The following SLC7A14 variants were observed in gnomAD, a reference collection of about 807,000 sequenced individuals.
SLC7A14 encodes gamma-aminobutyric acid transporter SLC7A14.
Under a neutral mutation model 60.2 loss-of-function variants are expected in SLC7A14, and 37 were observed. The observed-to-expected ratio is 0.61, with a 90% CI of 0.47 to 0.81. The LOEUF (loss-of-function observed/expected upper bound fraction) is 0.81. Among genes scored for constraint, SLC7A14 ranks in the 30% least tolerant of loss-of-function variants. The pLI, the probability that SLC7A14 is intolerant of heterozygous loss-of-function variation, is 0.00. For synonymous variants in SLC7A14, 399 were observed against 395.8 expected (o/e 1.01, Z -0.10); for missense variants, 886 against 982.7 (o/e 0.90, Z 1.32).
At chr3:170,536,786 A>G (rs550502149) in intron 1 of SLC7A14, among the ~76,000 whole-genome samples, 2 of 152,348 alleles carry the variant, frequency 1.3e-5, no homozygotes, top group African/African-American at 4.8e-5. Flanking sequence ...AGAGATGCAT[A>G]AGGTGGCTTT....
chr3:170,557,332 C>T (rs561482134), intron 1 of SLC7A14, among the ~76,000 whole-genome samples: 181 of 152,130 alleles, frequency 1.2e-3, no homozygotes, highest in Admixed American at 1.8e-3. Context: ...GCTGCCCAGC[C>T]GAGCCTGGTC....
intron 1 of SLC7A14, among the ~76,000 whole-genome samples, chr3:170,552,780 G>A (rs1196319099): frequency 6.6e-6 from 1 of 152,160 alleles, no homozygotes; most frequent in African/African-American, 2.4e-5. Context: ...TGTCCCACAT[G>A]GTTAAAATAG....
intron 2 of SLC7A14, among the ~76,000 whole-genome samples, chr3:170,505,349 G>A (rs187088764): frequency 1.3e-5 from 2 of 152,274 alleles, no homozygotes; most frequent in African/African-American, 2.4e-5. Context: ...TGACGACTTC[G>A]TTGCGTCTCC....
Position 170,467,229 on chromosome 3 carries a change from GCC to G in SLC7A14, c.2140_2141del (p.Gly714ArgfsTer11). 6.2e-7 allele frequency: 1 copy of G among 1,614,212 alleles called. No individual in the cohort carries two copies. Among genetic ancestry groups the G allele is most frequent in the South Asian group, 1.1e-5 (1 of 91,086 alleles). On this transcript the variant is annotated frameshift_variant, in exon 8 of 8. Coordinates refer to ENST00000231706, the MANE Select transcript of SLC7A14 (RefSeq NM_020949.3). LOFTEE classifies it high-confidence loss of function. ...VEEGFSYATE[G>X]ESQEDWGGPT... Reference sequence around the variant, plus strand: ...GCCCGCCCCAGTCCTCCTGGCTCTCGCCCTCTGTGGCGTAGGAGAAACCCTCC... The same window carrying G: ...GCCCGCCCCAGTCCTCCTGGCTCTCGCTCTGTGGCGTAGGAGAAACCCTCC...
intron 1 of SLC7A14, among the ~76,000 whole-genome samples, chr3:170,573,842 A>T (rs184616073): frequency 4.1e-4 from 63 of 152,278 alleles, no homozygotes; most frequent in Non-Finnish European, 7.8e-4. Flanking sequence ...TAATCCTGAC[A>T]CTGTGCCCAC....
At chr3:170,513,491 T>C (rs972754855) in intron 2 of SLC7A14, among the ~76,000 whole-genome samples, 1 of 152,238 alleles carries the variant, frequency 6.6e-6, no homozygotes, top group African/African-American at 2.4e-5. Flanking sequence ...TACAGATATA[T>C]TTGTGCAAAT....
At chr3:170,554,818 G>A (rs1560279121) in intron 1 of SLC7A14, among the ~76,000 whole-genome samples, 1 of 152,144 alleles carries the variant, frequency 6.6e-6, no homozygotes, top group Admixed American at 6.5e-5. Flanking sequence ...TCCCTTACTT[G>A]AAGATGGTGC....
chr3:170,470,539 G>A (rs1026154716), intron 7 of SLC7A14, among the ~76,000 whole-genome samples: 43 of 152,208 alleles, frequency 2.8e-4, no homozygotes, highest in African/African-American at 1.0e-3. Context: ...AACAAGAAAC[G>A]ACCGTGTGCA....
In SLC7A14 at chr3:170,526,903, G is replaced by T; in HGVS notation, c.34C>A (p.Arg12=). 1 of 1,613,628 alleles carries T rather than the reference G, an allele frequency of 6.2e-7. No homozygotes were observed. The highest frequency in any genetic ancestry group is 8.5e-7 in the Non-Finnish European group (1 of 1,179,826). ...SGFFTSLDPR[R]VQWGAAWYAM... is the part of the protein sequence containing the mutation. ...TACCAGGCAGCTCCCCACTGCACCC[G>T]CCGGGGGTCCAGCGAGGTGAAGAAG... The change falls in exon 2 of 8, where the codon CGG becomes AGG. Residue 12 remains arginine (R), a synonymous_variant. Coordinates refer to ENST00000231706, the MANE Select transcript of SLC7A14 (RefSeq NM_020949.3).
chr3:170,531,792 A>C (rs531747606), intron 1 of SLC7A14, among the ~76,000 whole-genome samples: 1 of 152,328 alleles, frequency 6.6e-6, no homozygotes, highest in African/African-American at 2.4e-5. Context: ...GTTTCTCAAA[A>C]TACTTCACAG....
rs187430733 is a variant in SLC7A14, at chr3:170,549,443, G to T, written c.-152-22355C>A. ...TTGGCCAGGATGGTCTCAATCTCCC[G>T]ACCTTGTGATTGCACCCGCCTCGGC... On this transcript the variant is annotated intron_variant, in intron 1 of 7. Transcript: ENST00000231706. 6.1e-3 allele frequency among the ~76,000 whole-genome samples: 934 copies of T among 152,138 alleles called. 3 individuals are homozygous for T. The highest frequency in any genetic ancestry group is 8.6e-3 in the Non-Finnish European group (585 of 68,002).
chr3:170,486,733 A>G lies in SLC7A14; in HGVS notation c.760-365T>C, dbSNP rs1047717407. ...CTAAAAATACAAAAATTAGCCAGGC[A>G]TGGTGACGCGCACCTGTAATCTCAG... is the stretch of plus-strand genomic sequence containing the variant. On this transcript the variant is annotated intron_variant, in intron 4 of 7. Transcript: ENST00000231706. Among the ~76,000 whole-genome samples the G allele has an allele frequency of 1.7e-4, 26 of 152,024 alleles. 1 individual carries two copies. The highest frequency in any genetic ancestry group is 6.3e-4 in the African/African-American group (26 of 41,406).
At position 170,498,903 on chromosome 3, in the gene SLC7A14, A is replaced by T. The variant is rs778677995; in HGVS notation, c.542-19T>A. The T allele has an allele frequency of 1.1e-5, 17 of 1,612,106 alleles. No homozygotes were observed. Among genetic ancestry groups the T allele is most frequent in the Non-Finnish European group, 1.4e-5 (16 of 1,178,418 alleles). ...CCTTTCCCTAGAGAGGAAAGACATG[A>T]TTTGACATTGTCTGGAGGGAAGAAA... On this transcript the variant is annotated intron_variant, in intron 3 of 7. Transcript: ENST00000231706.
In SLC7A14 at chr3:170,546,365, A is replaced by G. The variant is rs143975098; in HGVS notation, c.-152-19277T>C. ...GGGCATTTGTGTTGGGGTCTCCTTGATGCTTCCAATTTCCCTGTGACACAC... is the reference window on the plus strand; with the variant it reads ...GGGCATTTGTGTTGGGGTCTCCTTGGTGCTTCCAATTTCCCTGTGACACAC... On this transcript the variant is annotated intron_variant, in intron 1 of 7. Coordinates refer to ENST00000231706, the MANE Select transcript of SLC7A14 (RefSeq NM_020949.3). Among the ~76,000 whole-genome samples, 618 of 152,262 alleles carry G rather than the reference A, an allele frequency of 4.1e-3. 5 individuals are homozygous for G. Among genetic ancestry groups the G allele is most frequent in the African/African-American group, 0.014 (597 of 41,530 alleles).
At chr3:170,531,312 G>A (rs1250113243) in intron 1 of SLC7A14, among the ~76,000 whole-genome samples, 2 of 151,910 alleles carry the variant, frequency 1.3e-5, no homozygotes, top group Non-Finnish European at 2.9e-5. Flanking sequence ...CTATGGAGGC[G>A]GCACTGTCTG....
Position 170,501,148 on chromosome 3 carries a change from G to C in SLC7A14, c.502C>G (p.Arg168Gly). The change falls in exon 3 of 8, where the codon CGC becomes GGC. Residue 168 changes from arginine to glycine, a missense_variant. Coordinates refer to ENST00000231706, the MANE Select transcript of SLC7A14 (RefSeq NM_020949.3). ...FDSLANHTIS[R>G]WMADSVGTLN... is the part of the protein sequence containing the mutation. ...GTTCCCACGCTGTCCGCCATCCAGCGGCTGATGGTGTGGTTGGCTAGTGAG... is the reference window on the plus strand; with the variant it reads ...GTTCCCACGCTGTCCGCCATCCAGCCGCTGATGGTGTGGTTGGCTAGTGAG... 3.1e-6 allele frequency: 5 copies of C among 1,614,222 alleles called. No individual in the cohort carries two copies. Among genetic ancestry groups the C allele is most frequent in the Non-Finnish European group, 4.2e-6 (5 of 1,180,044 alleles).
chr3:170,525,948 T>G (rs1037661958), intron 2 of SLC7A14, among the ~76,000 whole-genome samples: 1 of 151,894 alleles, frequency 6.6e-6, no homozygotes, highest in Non-Finnish European at 1.5e-5. Context: ...GTACGCACCT[T>G]TAATCCCAGC....
At chr3:170,555,167 CA>C (rs201341261) in intron 1 of SLC7A14, among the ~76,000 whole-genome samples, 1 of 147,886 alleles carries the variant, frequency 6.8e-6, no homozygotes. Context: ...GACTTTGTCT[CA>C]AAAAAAATAT....
At chr3:170,583,469 G>A (rs79762837) in intron 1 of SLC7A14, among the ~76,000 whole-genome samples, 53 of 152,342 alleles carry the variant, frequency 3.5e-4, no homozygotes, top group African/African-American at 1.2e-3. Context: ...ATCAAAGAAA[G>A]CAGTATGGAA....
Sources: allele counts gnomAD v4.1 joint callset (sites outside exome capture counted in the v4.1 genomes callset), GRCh38; gene constraint gnomAD v4.1.1; transcripts MANE v1.5; gene names NCBI Gene and HGNC (gene_info 2026-07-23, HGNC 2026-07-21).